Variants in CAST observed in about 807,000 individuals in gnomAD.
CAST encodes calpastatin, also known as MIR583 host.
In CAST, 76 loss-of-function variants were observed where a neutral mutation model predicts 119.6. The observed-to-expected ratio is 0.64, with a 90% CI of 0.53 to 0.77. The LOEUF is 0.77. CAST is among the 30% of genes least tolerant of loss of function. The pLI is 0.00. For synonymous variants in CAST, 319 were observed against 331.6 expected, an observed-to-expected ratio of 0.96 and a Z score of 0.41; for missense variants, 953 against 946.5, an observed-to-expected ratio of 1.01 and a Z score of -0.09.
the CAST span, among the ~76,000 whole-genome samples, chr5:96,148,025 TC>T: frequency 6.6e-6 from 1 of 152,240 alleles, no homozygotes; most frequent in African/African-American, 2.4e-5. Context: ...CTATTGCCTA[TC>T]TTTTGTCTGG....
intron 2 of CAST, among the ~76,000 whole-genome samples, chr5:96,676,297 G>A (rs1427733414): frequency 2.0e-5 from 3 of 152,160 alleles, no homozygotes; most frequent in Non-Finnish European, 1.5e-5. Flanking sequence ...TAGAAATTGA[G>A]TCATTTCTAA....
intron 1 of CAST, among the ~76,000 whole-genome samples, chr5:96,561,786 G>GGTTTTGTTTTTTTTTTT (rs1189100090): frequency 3.8e-5 from 4 of 105,430 alleles, no homozygotes; most frequent in Non-Finnish European, 7.5e-5. Flanking sequence ...TTATATATAT[G>GGTTTTGTTTTTTTTTTT]TTTTTTTTTG....
chr5:96,297,748 T>C, the CAST span, among the ~76,000 whole-genome samples: 1 of 152,188 alleles, frequency 6.6e-6, no homozygotes, highest in Non-Finnish European at 1.5e-5. Context: ...TTCTTTATCT[T>C]AAGTAGTGGT....
the CAST span, among the ~76,000 whole-genome samples, chr5:96,278,026 A>T: frequency 0.025 from 3,806 of 151,998 alleles, 64 homozygotes; most frequent in Middle Eastern, 0.065. Flanking sequence ...TTAATTTTGA[A>T]TTAAAATAGA....
the CAST span, among the ~76,000 whole-genome samples, chr5:96,417,061 T>C: frequency 1.3e-5 from 2 of 152,176 alleles, no homozygotes; most frequent in African/African-American, 4.8e-5. Context: ...CTACCAGATA[T>C]ACCAACATAG....
the CAST span, among the ~76,000 whole-genome samples, chr5:96,204,266 TG>T: frequency 6.6e-6 from 1 of 152,026 alleles, no homozygotes; most frequent in Non-Finnish European, 1.5e-5. Context: ...AAGCAGGTGC[TG>T]GTTTGAGTGT....
chr5:96,447,516 A>T, the CAST span, among the ~76,000 whole-genome samples: 1 of 152,220 alleles, frequency 6.6e-6, no homozygotes, highest in African/African-American at 2.4e-5. Flanking sequence ...ACGTGCCTGC[A>T]TGAGCCCTCT....
chr5:95,961,639 G>C, the CAST span: 1 of 1,610,658 alleles, frequency 6.2e-7, no homozygotes, highest in Middle Eastern at 1.7e-4. Flanking sequence ...ATGCAGTACG[G>C]TGATGTTGTC....
chr5:96,039,946 T>G, the CAST span, among the ~76,000 whole-genome samples: 6 of 152,190 alleles, frequency 3.9e-5, no homozygotes, highest in Non-Finnish European at 2.9e-5. Context: ...AGCATGAATC[T>G]ATAAATTACT....
At chr5:96,653,128 C>G (rs550199001) in intron 1 of CAST, among the ~76,000 whole-genome samples, 12 of 152,330 alleles carry the variant, frequency 7.9e-5, no homozygotes, top group Non-Finnish European at 2.9e-5. Flanking sequence ...TCCAGGGACA[C>G]ATCTACTCTG....
At chr5:96,070,588 C>T in the CAST span, among the ~76,000 whole-genome samples, 62 of 152,152 alleles carry the variant, frequency 4.1e-4, no homozygotes, top group East Asian at 3.5e-3. Context: ...GGGTGATTGG[C>T]GATGTTGTGA....
intron 25 of CAST, chr5:96,763,206 T>TGG (rs1482760641): frequency 5.1e-6 from 4 of 780,678 alleles, no homozygotes; most frequent in Non-Finnish European, 7.2e-6. Context: ...ATTTTCATCC[T>TGG]GTTGCGTCAG....
At chr5:96,285,092 C>A in the CAST span, among the ~76,000 whole-genome samples, 1 of 152,094 alleles carries the variant, frequency 6.6e-6, no homozygotes, top group East Asian at 1.9e-4. Flanking sequence ...CAGGAGGTTT[C>A]AAAGCTCAAA....
chr5:96,608,947 C>T lies in CAST; in HGVS notation c.61-66592C>T, dbSNP rs780661510. Among the ~76,000 whole-genome samples the T allele has an allele frequency of 9.2e-5, 14 of 152,182 alleles. 1 individual carries two copies. Among genetic ancestry groups the T allele is most frequent in the African/African-American group, 2.4e-5 (1 of 41,446 alleles). On this transcript the variant is annotated intron_variant, in intron 1 of 11. Transcript: ENST00000505143. ...CCCCCATGATCTAATAATCACCTCC[C>T]ACCAAGCCTCTCCTCCAACACCGGG... is the stretch of plus-strand genomic sequence containing the variant.
chr5:96,649,474 C>T (rs559258861), intron 1 of CAST, among the ~76,000 whole-genome samples: 3 of 152,314 alleles, frequency 2.0e-5, no homozygotes, highest in East Asian at 3.9e-4. Flanking sequence ...GTCATCTTCT[C>T]GTAAATATTT....
At chr5:96,242,632 T>A in the CAST span, among the ~76,000 whole-genome samples, 1 of 152,230 alleles carries the variant, frequency 6.6e-6, no homozygotes, top group Non-Finnish European at 1.5e-5. Flanking sequence ...TATTTATAAC[T>A]GAAACTCCTC....
the CAST span, among the ~76,000 whole-genome samples, chr5:96,489,931 T>A: frequency 6.6e-6 from 1 of 152,210 alleles, no homozygotes; most frequent in African/African-American, 2.4e-5. Context: ...TGAGATGGAC[T>A]TCATCCTCTA....
At chr5:96,708,822 A>C (rs949363879) in intron 3 of CAST, among the ~76,000 whole-genome samples, 1 of 152,216 alleles carries the variant, frequency 6.6e-6, no homozygotes, top group Non-Finnish European at 1.5e-5. Context: ...CTGGGATTAC[A>C]GGTGTGAGCT....
intron 1 of CAST, among the ~76,000 whole-genome samples, chr5:96,552,341 G>C (rs960876654): frequency 1.3e-5 from 2 of 152,078 alleles, no homozygotes; most frequent in African/African-American, 2.4e-5. Flanking sequence ...TGAAATGAAG[G>C]CAGAAATAAA....
Sources: allele counts gnomAD v4.1 joint callset (sites outside exome capture counted in the v4.1 genomes callset), GRCh38; gene constraint gnomAD v4.1.1; transcripts MANE v1.5; gene names NCBI Gene and HGNC (gene_info 2026-07-23, HGNC 2026-07-21).